CUBN: variants seen among roughly 807,000 people sequenced by gnomAD.
The protein encoded by CUBN is cubilin, also known as 460 kDa receptor.
Under a neutral mutation model 405.3 loss-of-function variants are expected in CUBN, and 282 were observed. The observed-to-expected ratio is 0.70, with a 90% CI of 0.63 to 0.77. CUBN has a LOEUF of 0.77. Among genes scored for constraint, CUBN ranks in the 30% least tolerant of loss-of-function variants. The pLI is 0.00. For synonymous variants in CUBN, 1,684 were observed against 1,617.0 expected (o/e 1.04, Z -0.99); for missense variants, 4,514 against 4,475.2 (o/e 1.01, Z -0.25).
At chr10:16,922,477 G>A (rs1259817194) in intron 43 of CUBN, among the ~76,000 whole-genome samples, 1 of 152,134 alleles carries the variant, frequency 6.6e-6, no homozygotes, top group African/African-American at 2.4e-5. Context: ...AGCTACATTA[G>A]TGTTTTTAAT....
At chr10:17,009,769 G>T (rs1239318032) in intron 28 of CUBN, among the ~76,000 whole-genome samples, 3 of 152,214 alleles carry the variant, frequency 2.0e-5, no homozygotes, top group Non-Finnish European at 4.4e-5. Flanking sequence ...ATCTAGGACT[G>T]AGAACACTCT....
intron 31 of CUBN, among the ~76,000 whole-genome samples, chr10:16,968,226 G>T (rs1025940698): frequency 1.3e-5 from 2 of 152,142 alleles, no homozygotes; most frequent in African/African-American, 4.8e-5. Context: ...AACAAAAGAG[G>T]ATGCTGCGTT....
intron 39 of CUBN, among the ~76,000 whole-genome samples, chr10:16,934,542 C>T (rs1460840493): frequency 6.6e-6 from 1 of 151,948 alleles, no homozygotes; most frequent in Non-Finnish European, 1.5e-5. Context: ...TAAGGTTTTC[C>T]TCTATGTGAA....
At chr10:17,021,588 G>A (rs998323997) in intron 27 of CUBN, among the ~76,000 whole-genome samples, 4 of 152,140 alleles carry the variant, frequency 2.6e-5, no homozygotes, top group African/African-American at 7.2e-5. Context: ...GCACGTGTCC[G>A]TGCATAAATG....
intron 28 of CUBN, among the ~76,000 whole-genome samples, chr10:17,015,773 C>T (rs759193501): frequency 6.6e-5 from 10 of 152,140 alleles, no homozygotes; most frequent in South Asian, 2.1e-4. Flanking sequence ...TGGACATGGA[C>T]GAGGGGGCGG....
chr10:16,849,615 C>T (rs969951740), intron 60 of CUBN, among the ~76,000 whole-genome samples: 2 of 152,186 alleles, frequency 1.3e-5, no homozygotes, highest in African/African-American at 2.4e-5. Context: ...ATTCCCTCCA[C>T]AAATTTTCCT....
intron 21 of CUBN, 40 bp downstream of exon 21, chr10:17,068,024 G>C: frequency 6.6e-7 from 1 of 1,507,494 alleles, no homozygotes. Flanking sequence ...GGAAATCAGT[G>C]AAGTTTTATT....
chr10:17,044,151 T>G (rs1472656682), intron 25 of CUBN, among the ~76,000 whole-genome samples, 168 bp from the exon 26 acceptor site: 1 of 133,002 alleles, frequency 7.5e-6, no homozygotes, highest in Non-Finnish European at 1.5e-5. Flanking sequence ...TCATTATATA[T>G]AATATATTTA....
At chr10:16,971,075 T>C (rs1287978260) in intron 31 of CUBN, among the ~76,000 whole-genome samples, 1 of 152,228 alleles carries the variant, frequency 6.6e-6, no homozygotes, top group East Asian at 1.9e-4. Flanking sequence ...TTTTCACTGG[T>C]ATTTAAAGAG....
chr10:17,051,763 AAG>A (rs1276169579), intron 22 of CUBN, among the ~76,000 whole-genome samples: 2 of 151,966 alleles, frequency 1.3e-5, no homozygotes, highest in African/African-American at 4.8e-5. Context: ...ACAAAGAAAA[AAG>A]AACTCCAGGA....
intron 39 of CUBN, among the ~76,000 whole-genome samples, chr10:16,937,036 GA>G (rs975488844): frequency 6.6e-6 from 1 of 152,034 alleles, no homozygotes; most frequent in Non-Finnish European, 1.5e-5. Context: ...AATTTTTCAA[GA>G]AAAAAGTCTC....
intron 31 of CUBN, among the ~76,000 whole-genome samples, chr10:16,959,367 C>G (rs544590895): frequency 2.0e-5 from 3 of 152,202 alleles, no homozygotes; most frequent in African/African-American, 7.2e-5. Flanking sequence ...TGGTGGTTCA[C>G]GCCTGTAATC....
chr10:16,852,037 CCTCT>C lies in CUBN; in HGVS notation c.9455-598_9455-595del, dbSNP rs554191952. On this transcript the variant is annotated intron_variant, in intron 59 of 66. Coordinates refer to ENST00000377833, the MANE Select transcript of CUBN (RefSeq NM_001081.4). ...CCCTCACTCTATCTTTCCCTCCCTC[CCTCT>C]ATCTTTCCCTCCCTCCATCTTTCCC... Among the ~76,000 whole-genome samples, 223 of 112,218 alleles carry C rather than the reference CCTCT, an allele frequency of 2.0e-3. 5 individuals carry two copies. Among genetic ancestry groups the C allele is most frequent in the African/African-American group, 7.7e-3 (207 of 27,048 alleles). The allele number at this position is 112,218 out of a possible 152,430, so 73.6% of individuals were successfully genotyped here.
intron 31 of CUBN, among the ~76,000 whole-genome samples, chr10:16,961,544 T>C (rs1353005869): frequency 6.6e-6 from 1 of 152,164 alleles, no homozygotes. Flanking sequence ...CCTGTGATCA[T>C]AGTTCTAAAG....
At chr10:16,962,529 C>T (rs1292412582) in intron 31 of CUBN, among the ~76,000 whole-genome samples, 1 of 152,096 alleles carries the variant, frequency 6.6e-6, no homozygotes, top group African/African-American at 2.4e-5. Context: ...GTGTAATCTC[C>T]TCCCTGGCGT....
chr10:16,922,045 CCTT>C (rs1391330138), intron 43 of CUBN, among the ~76,000 whole-genome samples: 9 of 152,166 alleles, frequency 5.9e-5, no homozygotes, highest in African/African-American at 2.2e-4. Flanking sequence ...TTATTTTTCT[CCTT>C]GATACCTTTC....
intron 60 of CUBN, among the ~76,000 whole-genome samples, chr10:16,842,030 C>T (rs1281826394): frequency 6.7e-6 from 1 of 148,832 alleles, no homozygotes; most frequent in Admixed American, 6.8e-5. Flanking sequence ...TTACCTTCTT[C>T]TATATACTAC....
At chr10:17,088,429 C>G in intron 14 of CUBN, 84 bp from the exon 15 acceptor site, 1 of 1,152,510 alleles carries the variant, frequency 8.7e-7, no homozygotes. Flanking sequence ...GCGTAAGAAG[C>G]CAAACTTTGT....
chr10:17,010,071 G>A (rs1190326078), intron 28 of CUBN, among the ~76,000 whole-genome samples: 2 of 152,174 alleles, frequency 1.3e-5, no homozygotes, highest in East Asian at 1.9e-4. Flanking sequence ...GCAGATTCAC[G>A]GGCCTTGCCC....
Sources: gnomAD v4.1 joint callset for allele counts (sites outside exome capture counted in the v4.1 genomes callset) on GRCh38, gnomAD v4.1.1 for gene constraint, MANE v1.5 for transcripts, NCBI Gene and HGNC (gene_info 2026-07-23, HGNC 2026-07-21) for gene names.